Variants in TAB3 observed in about 807,000 individuals in gnomAD.
TAB3 encodes the protein TGF-beta activated kinase 1 (MAP3K7) binding protein 3.
TAB3 carries 18 observed loss-of-function variants against 48.1 expected under a neutral mutation model. The ratio of observed to expected loss-of-function variants is 0.37; its 90% CI spans 0.26 to 0.55. The LOEUF (loss-of-function observed/expected upper bound fraction) is 0.55. TAB3 is among the 20% of genes least tolerant of loss of function. The pLI is 0.78. For missense variants in TAB3, 414 were observed against 549.8 expected (o/e 0.75, Z 2.47); for synonymous variants, 185 against 190.2 (o/e 0.97, Z 0.22).
chrX:30,877,450 G>A (rs763599992), intron 1 of TAB3, among the ~76,000 whole-genome samples: 1 of 112,028 alleles, frequency 8.9e-6, no homozygotes, highest in South Asian at 3.7e-4. Flanking sequence ...GTCTTGTAAG[G>A]TTTAAAATAC....
chrX:30,858,278 G>A (rs1169817482), intron 5 of TAB3, among the ~76,000 whole-genome samples: 2 of 111,758 alleles, frequency 1.8e-5, no homozygotes, highest in Non-Finnish European at 3.8e-5. Flanking sequence ...GAAGGTGATT[G>A]CTAGGAAGTG....
chrX:30,833,412 A>C (rs1024283075), intron 10 of TAB3, among the ~76,000 whole-genome samples: 1 of 112,171 alleles, frequency 8.9e-6, no homozygotes, highest in African/African-American at 3.2e-5. Flanking sequence ...CAATGTTGCT[A>C]TAAGTGTAAA....
chrX:30,883,632 C>T (rs145305101), intron 1 of TAB3, among the ~76,000 whole-genome samples: 1,724 of 112,061 alleles, frequency 0.015, 39 homozygotes, highest in African/African-American at 0.053. Flanking sequence ...CAAGGCTTGA[C>T]GGTCCTTGCT....
At chrX:30,883,536 G>A (rs184458032) in intron 1 of TAB3, among the ~76,000 whole-genome samples, 2 of 111,588 alleles carry the variant, frequency 1.8e-5, no homozygotes, top group East Asian at 5.6e-4. Context: ...CTTTTAAGGA[G>A]CCAAGCCAGA....
chrX:30,878,751 A>G (rs1939918588), intron 1 of TAB3, among the ~76,000 whole-genome samples: 1 of 111,822 alleles, frequency 8.9e-6, no homozygotes, highest in South Asian at 3.6e-4. Flanking sequence ...GAAATCACTC[A>G]AAGTTCTCTA....
chrX:30,835,416 C>T lies in TAB3; in HGVS notation c.1889-1264G>A, dbSNP rs184594521. On this transcript the variant is annotated intron_variant, in intron 9 of 10. Coordinates refer to ENST00000288422, the MANE Select transcript of TAB3 (RefSeq NM_152787.5). The stretch of plus-strand genomic sequence containing the variant: ...CAAAGTACTTCTGTCGAGTCACATA[C>T]CTTATCTCACTAACTCTTACAACCT... 2.5e-5 allele frequency: 3 copies of T among 118,754 alleles called. No homozygotes were observed. The Admixed American group carries it at 2.8e-4, about 11-fold the overall frequency. 9.8% of individuals were successfully genotyped at this position (118,754 alleles called of 1,213,427 possible). A position where few individuals can be genotyped will look rare whatever the true frequency, so the allele number is the denominator to read the frequency against.
At chrX:30,884,185 C>T (rs1216680992) in intron 1 of TAB3, among the ~76,000 whole-genome samples, 1 of 111,724 alleles carries the variant, frequency 9.0e-6, no homozygotes, top group Admixed American at 9.5e-5. Flanking sequence ...ACAAATATAT[C>T]TTTCATGCCC....
At chrX:30,836,623 G>A (rs994454765) in intron 9 of TAB3, 7 of 111,673 alleles carry the variant, frequency 6.3e-5, no homozygotes, top group Admixed American at 9.5e-5. Context: ...CAGCAGGATC[G>A]CTTCAGCCCA....
chrX:30,873,653 T>C (rs980407894), intron 1 of TAB3, among the ~76,000 whole-genome samples: 1 of 111,914 alleles, frequency 8.9e-6, no homozygotes, highest in Non-Finnish European at 1.9e-5. Context: ...CCTCAGCCTC[T>C]TCAACATGAA....
At chrX:30,859,365 C>CAA in intron 5 of TAB3, 122 bp downstream of exon 5, 1 of 477,955 alleles carries the variant, frequency 2.1e-6, no homozygotes. Flanking sequence ...CTGCTCCACA[C>CAA]ACACACACAC....
chrX:30,849,731 T>C (rs1197594067), intron 7 of TAB3, among the ~76,000 whole-genome samples: 1 of 112,395 alleles, frequency 8.9e-6, no homozygotes, highest in Non-Finnish European at 1.9e-5. Context: ...GGGCTCTCTT[T>C]CCACTATATC....
chrX:30,841,953 C>T (rs757368993), intron 9 of TAB3, among the ~76,000 whole-genome samples: 3 of 111,838 alleles, frequency 2.7e-5, no homozygotes, highest in African/African-American at 9.7e-5. Context: ...GGATTACAGG[C>T]GCGCGCCATC....
At chrX:30,843,196 C>T in intron 8 of TAB3, 147 bp from the exon 9 acceptor site, 2 of 406,713 alleles carry the variant, frequency 4.9e-6, no homozygotes, top group Non-Finnish European at 8.4e-6. Context: ...TTCTGTCCTC[C>T]CAATGAAATT....
chrX:30,831,192 C>T lies in TAB3; in HGVS notation c.*235G>A, dbSNP rs1938021060. On this transcript the variant is annotated 3_prime_UTR_variant, in exon 11 of 11. Transcript: ENST00000288422. ...CATTCTTTCACAGAGTGAATCCTTTCCCAGTTTCAAGTATCCCTTTCTATC... is the reference window on the plus strand; with the variant it reads ...CATTCTTTCACAGAGTGAATCCTTTTCCAGTTTCAAGTATCCCTTTCTATC... The T allele has an allele frequency of 3.1e-6, 1 of 319,183 alleles. No homozygotes were observed. Among genetic ancestry groups the T allele is most frequent in the Non-Finnish European group, 5.4e-6 (1 of 185,064 alleles). The allele number at this position is 319,183 out of a possible 1,213,427, so 26.3% of individuals were successfully genotyped here. A position where few individuals can be genotyped will look rare whatever the true frequency, so the allele number is the denominator to read the frequency against.
At chrX:30,860,953 GA>G (rs906563663) in intron 4 of TAB3, among the ~76,000 whole-genome samples, 1 of 111,673 alleles carries the variant, frequency 9.0e-6, no homozygotes, top group African/African-American at 3.3e-5. Context: ...AAACAGTTCA[GA>G]AAAAAATATA....
chrX:30,843,384 T>G (rs1938516186), intron 8 of TAB3: 2 of 128,094 alleles, frequency 1.6e-5, no homozygotes, highest in South Asian at 3.5e-4. Context: ...ATGGTTGAAC[T>G]GTTTTCTCTT....
chrX:30,859,593 G>C lies in TAB3; in HGVS notation c.-5C>G, dbSNP rs369421706. On this transcript the variant is annotated 5_prime_UTR_variant, in exon 5 of 11. Coordinates refer to ENST00000288422, the MANE Select transcript of TAB3 (RefSeq NM_152787.5). Reference sequence around the variant, plus strand: ...CTGTGGGCTGCTTTGCGCCATGCCAGAGCAAATGGTGGCCAAGTTTCTCTT... The same window carrying C: ...CTGTGGGCTGCTTTGCGCCATGCCACAGCAAATGGTGGCCAAGTTTCTCTT... The C allele has an allele frequency of 2.1e-5, 25 of 1,183,618 alleles. No individual in the cohort carries two copies. The African/African-American group carries it at 3.8e-4, about 18-fold the overall frequency.
In TAB3 at chrX:30,854,459, G is replaced by C. The variant is rs1447958128; in HGVS notation, c.1206C>G (p.Ala402=). 1.7e-6 allele frequency: 2 copies of C among 1,209,686 alleles called. No homozygotes were observed. The highest frequency in any genetic ancestry group is 2.2e-6 in the Non-Finnish European group (2 of 895,088). Residue 402 remains alanine, a synonymous_variant, in exon 6 of 11, where the codon GCC becomes GCG. Transcript: ENST00000288422. The part of the protein sequence containing the change: ...SPRNQHSLYT[A]TTPPSSSPSR... ...AAGGAGAACTTGAAGGTGGCGTGGT[G>C]GCTGTGTACAGTGAGTGTTGATTCC...
intron 9 of TAB3, among the ~76,000 whole-genome samples, chrX:30,837,654 T>C (rs1938280569): frequency 8.9e-6 from 1 of 112,553 alleles, no homozygotes; most frequent in African/African-American, 3.2e-5. Context: ...TTCATTTTCT[T>C]AATAGTGTCA....
Sources: gnomAD v4.1 joint callset for allele counts (sites outside exome capture counted in the v4.1 genomes callset) on GRCh38, gnomAD v4.1.1 for gene constraint, MANE v1.5 for transcripts, NCBI Gene and HGNC (gene_info 2026-07-23, HGNC 2026-07-21) for gene names.